The following TNFSF8 variants were observed in gnomAD, a reference collection of about 807,000 sequenced individuals.
TNFSF8 encodes the protein TNF superfamily member 8.
In TNFSF8, 4 loss-of-function variants were observed where a neutral mutation model predicts 22.0. The observed-to-expected ratio is 0.18, with a 90% CI of 0.09 to 0.42. TNFSF8 has a LOEUF of 0.42. TNFSF8 is among the 10% of genes least tolerant of loss of function. The pLI, the probability that TNFSF8 is intolerant of heterozygous loss-of-function variation, is 1.00. For synonymous variants in TNFSF8, 106 were observed against 112.5 expected (o/e 0.94, Z 0.37); for missense variants, 233 against 281.8 (o/e 0.83, Z 1.24).
intron 2 of TNFSF8, among the ~76,000 whole-genome samples, chr9:114,907,374 C>T (rs911842060): frequency 1.1e-4 from 16 of 152,306 alleles, no homozygotes; most frequent in African/African-American, 3.8e-4. Context: ...CCACAGCCCA[C>T]ACTCTTGGGG....
chr9:114,909,906 G>C (rs1162317737), intron 2 of TNFSF8, among the ~76,000 whole-genome samples: 1 of 152,220 alleles, frequency 6.6e-6, no homozygotes, highest in Non-Finnish European at 1.5e-5. Flanking sequence ...CCTGGTTCAG[G>C]CTTGGTGAAC....
At chr9:114,927,742 C>G (rs1738779806) in intron 1 of TNFSF8, among the ~76,000 whole-genome samples, 1 of 152,110 alleles carries the variant, frequency 6.6e-6, no homozygotes. Flanking sequence ...GGTTCTCCAC[C>G]CCTGTTCCCA....
intron 1 of TNFSF8, among the ~76,000 whole-genome samples, chr9:114,925,685 G>GTAT (rs368753556): frequency 6.6e-6 from 1 of 151,844 alleles, no homozygotes; most frequent in African/African-American, 2.4e-5. Flanking sequence ...TTTAAAAAGA[G>GTAT]TATTATTATT....
In TNFSF8 at chr9:114,902,556, T is replaced by C. The variant is rs1295910181; in HGVS notation, c.*1375A>G. The C allele has an allele frequency of 2.0e-6, 2 of 985,308 alleles. No individual in the cohort carries two copies. The highest frequency in any genetic ancestry group is 3.5e-5 in the African/African-American group (2 of 57,234). The allele number at this position is 985,308 out of a possible 1,614,324, so 61.0% of individuals were successfully genotyped here. The stretch of plus-strand genomic sequence containing the variant: ...ATGGTCAGTGTGGTAGTTCTTTCCA[T>C]TACATCCTTGAGATCCTGCTGTTCA... On this transcript the variant is annotated 3_prime_UTR_variant, in exon 4 of 4. Transcript: ENST00000223795.
intron 3 of TNFSF8, among the ~76,000 whole-genome samples, chr9:114,905,429 G>A (rs900115957): frequency 5.3e-5 from 8 of 152,048 alleles, no homozygotes; most frequent in African/African-American, 1.7e-4. Context: ...TAACTTCATA[G>A]AGGCAGAGAT....
intron 1 of TNFSF8, among the ~76,000 whole-genome samples, chr9:114,921,767 A>G (rs1423975235): frequency 1.3e-5 from 2 of 152,226 alleles, no homozygotes; most frequent in African/African-American, 2.4e-5. Flanking sequence ...GAATGCAGGC[A>G]CAAACAAATG....
intron 1 of TNFSF8, among the ~76,000 whole-genome samples, chr9:114,929,810 A>G (rs1181723643): frequency 2.0e-5 from 3 of 151,108 alleles, no homozygotes; most frequent in Non-Finnish European, 2.9e-5. Flanking sequence ...TGGTCTAACA[A>G]TATTTTTCTC....
At chr9:114,922,072 CT>C (rs111577094) in intron 1 of TNFSF8, among the ~76,000 whole-genome samples, 32,774 of 152,110 alleles carry the variant, frequency 0.22, 3,797 homozygotes, top group South Asian at 0.26. Context: ...CATCTTTCCA[CT>C]GGGTTATTGT....
At chr9:114,898,375 G>T (rs143311077), downstream of TNFSF8, among the ~76,000 whole-genome samples, 676 of 152,296 alleles carry the variant, frequency 4.4e-3, 6 homozygotes, top group African/African-American at 0.015. Context: ...ACATGTAAGA[G>T]CTTGATAAAT....
intron 1 of TNFSF8, among the ~76,000 whole-genome samples, chr9:114,922,586 A>G (rs1828002649): frequency 6.6e-6 from 1 of 152,206 alleles, no homozygotes; most frequent in Non-Finnish European, 1.5e-5. Flanking sequence ...AAGGGATTCA[A>G]ACTTAGGTGT....
chr9:114,903,801 G>T lies in TNFSF8; in HGVS notation c.*130C>A. The T allele has an allele frequency of 2.1e-6, 3 of 1,439,628 alleles. No individual in the cohort carries two copies. The highest frequency in any genetic ancestry group is 2.7e-6 in the Non-Finnish European group (3 of 1,102,640). 89.2% of individuals were successfully genotyped at this position (1,439,628 alleles called of 1,614,324 possible). On this transcript the variant is annotated 3_prime_UTR_variant, in exon 4 of 4. Transcript: ENST00000223795. ...GCTGTATCTTTCCAAGAGACAGAAGGAGAAGTATACTATTTAATACCCTGT... is the reference window on the plus strand; with the variant it reads ...GCTGTATCTTTCCAAGAGACAGAAGTAGAAGTATACTATTTAATACCCTGT...
rs971078353 is a variant in TNFSF8 at position 114,930,375 on chromosome 9, C to T, written c.-72G>A. On this transcript the variant is annotated 5_prime_UTR_variant, in exon 1 of 4. Coordinates refer to ENST00000223795, the MANE Select transcript of TNFSF8 (RefSeq NM_001244.4). ...ATTCAGTTCTGGGCCCATCTCTGTTCCAAGAAGGATTCTCCCCCTGAATCC... is the reference window on the plus strand; with the variant it reads ...ATTCAGTTCTGGGCCCATCTCTGTTTCAAGAAGGATTCTCCCCCTGAATCC... 1.6e-6 allele frequency: 2 copies of T among 1,225,080 alleles called. No individual in the cohort carries two copies. Among genetic ancestry groups the T allele is most frequent in the African/African-American group, 3.1e-5 (2 of 64,182 alleles). The allele number at this position is 1,225,080 out of a possible 1,614,324, so 75.9% of individuals were successfully genotyped here.
intron 2 of TNFSF8, among the ~76,000 whole-genome samples, chr9:114,914,887 G>C (rs1297051691): frequency 6.6e-6 from 1 of 152,126 alleles, no homozygotes; most frequent in Admixed American, 6.5e-5. Context: ...TACCCAAAAG[G>C]GTTTGATTTT....
intron 1 of TNFSF8, among the ~76,000 whole-genome samples, chr9:114,923,164 C>G (rs980684514): frequency 6.6e-6 from 1 of 152,102 alleles, no homozygotes; most frequent in African/African-American, 2.4e-5. Flanking sequence ...GGACTGACTT[C>G]TGGCCCTACC....
intron 2 of TNFSF8, among the ~76,000 whole-genome samples, chr9:114,914,372 G>GT (rs1175840259): frequency 6.6e-6 from 1 of 152,198 alleles, no homozygotes; most frequent in African/African-American, 2.4e-5. Context: ...ATAAATGTGG[G>GT]TTACTATTCA....
chr9:114,899,614 G>T (rs977753478), downstream of TNFSF8, among the ~76,000 whole-genome samples: 3 of 152,172 alleles, frequency 2.0e-5, no homozygotes, highest in African/African-American at 7.2e-5. Flanking sequence ...AAGCCCCAGA[G>T]TGCATTGAAA....
chr9:114,901,284 C>G lies in TNFSF8; in HGVS notation c.*2647G>C. 1 of 985,382 alleles carries G rather than the reference C, an allele frequency of 1.0e-6. No individual in the cohort carries two copies. Among genetic ancestry groups the G allele is most frequent in the Non-Finnish European group, 1.2e-6 (1 of 829,908 alleles). 61.0% of individuals were successfully genotyped at this position (985,382 alleles called of 1,614,324 possible). On this transcript the variant is annotated 3_prime_UTR_variant, in exon 4 of 4. Transcript: ENST00000223795. ...AGTTTTAAACTTCCTGGGTTGCCTA[C>G]TCCCTACATATCTATCAGTTGAGTT...
chr9:114,894,010 C>T, exon 5 of TNFSF8: 1 of 1,330,256 alleles, frequency 7.5e-7, no homozygotes, highest in South Asian at 1.3e-5. Context: ...AAGTTCATGA[C>T]TTTCCACTTA....
chr9:114,902,613 C>G lies in TNFSF8; in HGVS notation c.*1318G>C, dbSNP rs80282161. On this transcript the variant is annotated 3_prime_UTR_variant, in exon 4 of 4. Coordinates refer to ENST00000223795, the MANE Select transcript of TNFSF8 (RefSeq NM_001244.4). The stretch of plus-strand genomic sequence containing the variant: ...TCAGCAGGGCACCCTGAACCTTGTC[C>G]CCATATTCTGGCTCTGCTGAGATGA... 9.1e-4 allele frequency: 898 copies of G among 985,338 alleles called. 7 individuals carry two copies. In the African/African-American group the frequency reaches 0.015, roughly 16 times the overall value. 61.0% of individuals were successfully genotyped at this position (985,338 alleles called of 1,614,324 possible).
Sources: gnomAD v4.1 joint callset for allele counts (sites outside exome capture counted in the v4.1 genomes callset) on GRCh38, gnomAD v4.1.1 for gene constraint, MANE v1.5 for transcripts, NCBI Gene and HGNC (gene_info 2026-07-23, HGNC 2026-07-21) for gene names.